FAM169A: variants seen among roughly 807,000 people sequenced by gnomAD.
FAM169A encodes the protein family with sequence similarity 169 member A.
Under a neutral mutation model 75.7 loss-of-function variants are expected in FAM169A, and 24 were observed. The ratio of observed to expected loss-of-function variants is 0.32; its 90% CI spans 0.23 to 0.45. FAM169A has a LOEUF of 0.45. Ranked by LOEUF, FAM169A falls within the 20% of genes least tolerant of loss-of-function variation. FAM169A has a pLI of 1.00. For synonymous variants in FAM169A, 271 were observed against 271.0 expected (o/e 1.00, Z 0.00); for missense variants, 673 against 784.0 (o/e 0.86, Z 1.69).
intron 6 of FAM169A, among the ~76,000 whole-genome samples, chr5:74,813,026 G>A (rs1162357381): frequency 6.6e-6 from 1 of 152,102 alleles, no homozygotes; most frequent in Non-Finnish European, 1.5e-5. Context: ...CAACAAGAAT[G>A]AACCTTAAAA....
At chr5:74,795,470 A>G (rs1167814099) in intron 11 of FAM169A, among the ~76,000 whole-genome samples, 2 of 152,176 alleles carry the variant, frequency 1.3e-5, no homozygotes, top group Non-Finnish European at 2.9e-5. Context: ...AAATACTTTA[A>G]AGCTGCAGAA....
intron 5 of FAM169A, among the ~76,000 whole-genome samples, chr5:74,826,297 T>C (rs1012841162): frequency 3.3e-5 from 5 of 152,210 alleles, no homozygotes; most frequent in African/African-American, 1.2e-4. Flanking sequence ...TTCACATCAG[T>C]GGCCTTCCTT....
chr5:74,784,336 C>T lies in FAM169A; in HGVS notation c.1261-1202G>A, dbSNP rs1183021583. ...ACCAGCATGGCCAATATGGTGAAAC[C>T]CGCTCTCTACTAAAAATATAAAAAT... is the stretch of plus-strand genomic sequence containing the variant. On this transcript the variant is annotated intron_variant, in intron 11 of 12. Transcript: ENST00000687041. 2.6e-5 allele frequency among the ~76,000 whole-genome samples: 4 copies of T among 151,434 alleles called. No homozygotes were observed. In the East Asian group the frequency reaches 7.8e-4, roughly 29 times the overall value.
chr5:74,854,824 A>G (rs1001648795), intron 1 of FAM169A, among the ~76,000 whole-genome samples: 14 of 152,202 alleles, frequency 9.2e-5, no homozygotes, highest in Non-Finnish European at 1.9e-4. Context: ...TCCATTGTGC[A>G]TATGTACCAT....
intron 1 of FAM169A, among the ~76,000 whole-genome samples, chr5:74,847,150 T>A (rs1749197309): frequency 1.3e-5 from 2 of 152,188 alleles, no homozygotes; most frequent in South Asian, 2.1e-4. Flanking sequence ...AAAATATACA[T>A]AACAAAATTT....
At position 74,781,475 on chromosome 5, in the gene FAM169A, TTTC is replaced by T. The variant is rs778872207; in HGVS notation, c.1995_1997del (p.Lys666del). The T allele has an allele frequency of 6.2e-7, 1 of 1,613,650 alleles. No homozygotes were observed. The highest frequency in any genetic ancestry group is 8.5e-7 in the Non-Finnish European group (1 of 1,179,746). On this transcript the variant is annotated inframe_deletion, in exon 13 of 13. Transcript: ENST00000687041. The stretch of plus-strand genomic sequence containing the variant: ...TCTTCTTCCTTCAGGTCAGCTTAGC[TTTC>T]TTCTTAGCAGGTCCTTTATGCCCTT...
intron 11 of FAM169A, among the ~76,000 whole-genome samples, chr5:74,785,313 C>T (rs1166861327): frequency 2.6e-5 from 4 of 152,110 alleles, no homozygotes; most frequent in East Asian, 1.9e-4. Flanking sequence ...AGCGAGACTC[C>T]GTCTCAAAAG....
Position 74,781,737 on chromosome 5 carries a change from G to A in FAM169A, c.1736C>T (p.Pro579Leu). The A allele has an allele frequency of 6.2e-7, 1 of 1,614,028 alleles. No individual in the cohort carries two copies. Among genetic ancestry groups the A allele is most frequent in the African/African-American group, 1.3e-5 (1 of 75,020 alleles). Residue 579 changes from proline to leucine, a missense_variant, in exon 13 of 13, where the codon CCC becomes CTC. Pro to Leu is a moderately conservative substitution (Grantham distance 98). This residue lies in a region of FAM169A where 510 missense variants were observed against 550.9 expected (regional missense o/e 0.93). Coordinates refer to ENST00000687041, the MANE Select transcript of FAM169A (RefSeq NM_001376049.1). ...AGGAAGAGCAGTAGATGTTTCCTGG[G>A]GCTCAGATACCCCCTCCTCACCCTG... ...EDQGEEGVSE[P>L]QETSTALPQS...
Position 74,780,973 on chromosome 5 carries a change from T to C in FAM169A, c.*487A>G. On this transcript the variant is annotated 3_prime_UTR_variant, in exon 13 of 13. Transcript: ENST00000687041. ...TCTCATTTACTTGAAGTTATATTTT[T>C]TCTAATTTATTGACACTTATTTTTG... is the stretch of plus-strand genomic sequence containing the variant. 1 of 152,686 alleles carries C rather than the reference T, an allele frequency of 6.5e-6. No individual in the cohort carries two copies. Among genetic ancestry groups the C allele is most frequent in the South Asian group, 2.1e-4 (1 of 4,848 alleles). 9.5% of individuals were successfully genotyped at this position (152,686 alleles called of 1,614,324 possible). A position where few individuals can be genotyped will look rare whatever the true frequency, so the allele number is the denominator to read the frequency against.
intron 5 of FAM169A, among the ~76,000 whole-genome samples, chr5:74,823,777 T>C (rs988892937): frequency 6.6e-6 from 1 of 152,196 alleles, no homozygotes; most frequent in Admixed American, 6.5e-5. Flanking sequence ...CCTTTGCACA[T>C]TTCCCAAAGA....
At chr5:74,801,768 A>G in intron 8 of FAM169A, 139 bp from the exon 9 acceptor site, 1 of 672,044 alleles carries the variant, frequency 1.5e-6, no homozygotes, top group South Asian at 1.7e-5. Context: ...TACTTTAAAA[A>G]TAAAAAGGTT....
At chr5:74,793,848 A>C (rs930550560) in intron 11 of FAM169A, among the ~76,000 whole-genome samples, 2 of 151,800 alleles carry the variant, frequency 1.3e-5, no homozygotes, top group Non-Finnish European at 1.5e-5. Flanking sequence ...CTAAAAATAG[A>C]AAAAATTAGC....
intron 10 of FAM169A, chr5:74,798,947 G>C: frequency 1.1e-6 from 1 of 882,762 alleles, no homozygotes; most frequent in South Asian, 1.3e-5. Context: ...AAGACCGTCC[G>C]GACTGCCCCG....
At chr5:74,799,437 G>T in intron 10 of FAM169A, 1 of 1,612,992 alleles carries the variant, frequency 6.2e-7, no homozygotes, top group Non-Finnish European at 8.5e-7. Flanking sequence ...TCCTCAGCTT[G>T]GATTGGCATC....
intron 11 of FAM169A, among the ~76,000 whole-genome samples, chr5:74,784,454 C>T (rs956527888): frequency 2.2e-5 from 3 of 134,200 alleles, no homozygotes; most frequent in African/African-American, 9.0e-5. Context: ...TAGCAGTGAG[C>T]CAGAGAGATC....
Position 74,866,178 on chromosome 5 carries a change from C to T in FAM169A, c.-17G>A. 8.1e-6 allele frequency: 8 copies of T among 984,212 alleles called. No individual in the cohort carries two copies. The highest frequency in any genetic ancestry group is 9.6e-6 in the Non-Finnish European group (8 of 829,496). 61.0% of individuals were successfully genotyped at this position (984,212 alleles called of 1,614,324 possible). On this transcript the variant is annotated 5_prime_UTR_variant, in exon 1 of 13. Transcript: ENST00000687041. The stretch of plus-strand genomic sequence containing the variant: ...GAGCGCACTCACCTCAGACGCGCCC[C>T]GGGAGCCGCTGGAAGAGCCCGGGAA...
intron 2 of FAM169A, among the ~76,000 whole-genome samples, chr5:74,840,698 G>A (rs1286585210): frequency 2.0e-5 from 3 of 151,652 alleles, no homozygotes; most frequent in East Asian, 3.9e-4. Flanking sequence ...GCATGGTGGT[G>A]GGCGCCTGTA....
intron 11 of FAM169A, among the ~76,000 whole-genome samples, chr5:74,783,707 C>T (rs539358327): frequency 6.6e-6 from 1 of 152,302 alleles, no homozygotes; most frequent in South Asian, 2.1e-4. Flanking sequence ...CTGCTCCTTG[C>T]ATATCATTAA....
chr5:74,800,828 CAAAAAATAA>C, intron 10 of FAM169A, 43 bp downstream of exon 10: 1 of 1,023,474 alleles, frequency 9.8e-7, no homozygotes, highest in Non-Finnish European at 1.3e-6. Context: ...AAAGTATAAA[CAAAAAATAA>C]AAGTACAAAT....
Sources: gnomAD v4.1 joint callset for allele counts (sites outside exome capture counted in the v4.1 genomes callset) on GRCh38, gnomAD v4.1.1 for gene constraint, gnomAD v4.1.1 regional missense constraint, MANE v1.5 for transcripts, NCBI Gene and HGNC (gene_info 2026-07-23, HGNC 2026-07-21) for gene names.